Variants in SLC22A2 observed in about 807,000 individuals in gnomAD.
The protein encoded by SLC22A2 is organic cation transporter 2.
Under a neutral mutation model 60.5 loss-of-function variants are expected in SLC22A2, and 46 were observed. The observed-to-expected ratio is 0.76, with a 90% confidence interval of 0.60 to 0.97. SLC22A2 has a LOEUF of 0.97. Ranked by LOEUF, SLC22A2 falls within the 50% of genes least tolerant of loss-of-function variation. The pLI is 0.00. For missense variants in SLC22A2, 701 were observed against 706.6 expected, an observed-to-expected ratio of 0.99 and a Z score of 0.09; for synonymous variants, 303 against 267.0, an observed-to-expected ratio of 1.13 and a Z score of -1.31.
In SLC22A2 at chr6:160,247,303, G is replaced by A. The variant is rs752477758; in HGVS notation, c.843-5C>T. 19 of 1,507,992 alleles carry A rather than the reference G, an allele frequency of 1.3e-5. No homozygotes were observed. In the East Asian group the frequency reaches 3.6e-4, roughly 29 times the overall value. The allele number at this position is 1,507,992 out of a possible 1,614,324, so 93.4% of individuals were successfully genotyped here. A position where few individuals can be genotyped will look rare whatever the true frequency, so the allele number is the denominator to read the frequency against. ...CTGGGAGACTCAGGTATGCACCTAG[G>A]GTACAAGGTGAGCGGAGGGCAACTC... is the stretch of plus-strand genomic sequence containing the variant. On this transcript the variant is annotated splice_region_variant and splice_polypyrimidine_tract_variant and intron_variant, in intron 4 of 10. Transcript: ENST00000366953.
intron 9 of SLC22A2, among the ~76,000 whole-genome samples, chr6:160,229,134 C>A (rs1179593878): frequency 2.0e-5 from 3 of 151,808 alleles, no homozygotes; most frequent in Non-Finnish European, 4.4e-5. Flanking sequence ...TGAGAAAGAT[C>A]CACCTATGAC....
At chr6:160,220,216 T>G (rs1035619626) in intron 10 of SLC22A2, among the ~76,000 whole-genome samples, 1 of 152,168 alleles carries the variant, frequency 6.6e-6, no homozygotes, top group African/African-American at 2.4e-5. Context: ...TTCAACAATG[T>G]TCACAGGATC....
chr6:160,238,333 G>A (rs1583395563), intron 9 of SLC22A2, among the ~76,000 whole-genome samples: 4 of 152,286 alleles, frequency 2.6e-5, no homozygotes, highest in South Asian at 2.1e-4. Flanking sequence ...CTCTCAAAAT[G>A]TCTCCAAGCC....
At chr6:160,225,137 C>A (rs1782702899) in intron 9 of SLC22A2, among the ~76,000 whole-genome samples, 1 of 152,102 alleles carries the variant, frequency 6.6e-6, no homozygotes, top group Non-Finnish European at 1.5e-5. Context: ...AGGACTGTAA[C>A]CCTTCCAGTT....
Position 160,258,778 on chromosome 6 carries a change from CCGAGGCTGCCCGACGTGCCCGGAG to C in SLC22A2, c.-45_-22del, listed in dbSNP as rs778514015. Reference sequence around the variant, plus strand: ...GGCATGATCCTGCAGGCAGGAGGGCCCGAGGCTGCCCGACGTGCCCGGAGCGAGGCTGAGAGCGGCTGCAGCCAG... The same window carrying C: ...GGCATGATCCTGCAGGCAGGAGGGCCCGAGGCTGAGAGCGGCTGCAGCCAG... On this transcript the variant is annotated 5_prime_UTR_variant, in exon 1 of 11. Coordinates refer to ENST00000366953, the MANE Select transcript of SLC22A2 (RefSeq NM_003058.4). 2 of 1,519,484 alleles carry C rather than the reference CCGAGGCTGCCCGACGTGCCCGGAG, an allele frequency of 1.3e-6. No homozygotes were observed. Among genetic ancestry groups the C allele is most frequent in the Non-Finnish European group, 1.8e-6 (2 of 1,133,946 alleles). The allele number at this position is 1,519,484 out of a possible 1,614,324, so 94.1% of individuals were successfully genotyped here.
intron 2 of SLC22A2, 107 bp downstream of exon 2, chr6:160,256,507 G>A: frequency 1.3e-6 from 1 of 741,530 alleles, no homozygotes; most frequent in Non-Finnish European, 2.4e-6. Context: ...AGGAGATTGT[G>A]GTCTGTGTGC....
chr6:160,242,432 T>TA, intron 7 of SLC22A2, 30 bp from the exon 8 acceptor site: 1 of 1,173,012 alleles, frequency 8.5e-7, no homozygotes, highest in Non-Finnish European at 1.3e-6. Flanking sequence ...TACTTATCCG[T>TA]ACACAGATGA....
In SLC22A2 at chr6:160,252,475, A is replaced by C. The variant is rs1465662138; in HGVS notation, c.519-1773T>G. On this transcript the variant is annotated intron_variant, in intron 2 of 10. Transcript: ENST00000366953. Reference sequence around the variant, plus strand: ...AGCAATGCTACTTAAAAGAATAATAAGGCATGGCTAGAATAAATTTGGGGA... The same window carrying C: ...AGCAATGCTACTTAAAAGAATAATACGGCATGGCTAGAATAAATTTGGGGA... Among the ~76,000 whole-genome samples the C allele has an allele frequency of 3.9e-5, 6 of 152,222 alleles. No homozygotes were observed. The East Asian group carries it at 1.2e-3, about 29-fold the overall frequency.
At chr6:160,226,564 C>T (rs527899432) in intron 9 of SLC22A2, among the ~76,000 whole-genome samples, 6 of 152,224 alleles carry the variant, frequency 3.9e-5, no homozygotes, top group Non-Finnish European at 5.9e-5. Flanking sequence ...ACCTCACTTC[C>T]GATTTGTGTA....
At position 160,258,410 on chromosome 6, in the gene SLC22A2, G is replaced by A. The variant is rs1783312203; in HGVS notation, c.348C>T (p.Arg116=). 1.2e-6 allele frequency: 2 copies of A among 1,613,766 alleles called. No homozygotes were observed. The highest frequency in any genetic ancestry group is 1.7e-6 in the Non-Finnish European group (2 of 1,179,940). Residue 116 remains arginine (R), a synonymous_variant, in exon 1 of 11, where the codon CGC becomes CGT. Transcript: ENST00000366953. ...CGTCCCGGCAGGGGCCCAGTGGCAG[G>A]CGGCTCCTGTTGGTGTCCAGGCTGG... The part of the protein sequence containing the change: ...PLASLDTNRS[R]LPLGPCRDGW...
intron 9 of SLC22A2, among the ~76,000 whole-genome samples, chr6:160,240,739 T>C (rs1390497269): frequency 6.6e-6 from 1 of 152,136 alleles, no homozygotes; most frequent in Non-Finnish European, 1.5e-5. Flanking sequence ...TCCCCTAAAT[T>C]GAGTGCTATA....
chr6:160,224,323 T>C (rs1782690185), intron 10 of SLC22A2, among the ~76,000 whole-genome samples: 2 of 152,202 alleles, frequency 1.3e-5, no homozygotes, highest in South Asian at 4.1e-4. Flanking sequence ...GTCGCTTTTA[T>C]GGAATTGTTA....
At chr6:160,249,484 A>T in intron 3 of SLC22A2, 100 bp from the exon 4 acceptor site, 1 of 875,730 alleles carries the variant, frequency 1.1e-6, no homozygotes, top group African/African-American at 1.7e-5. Context: ...AATATAGACA[A>T]ATTCTAGAAT....
chr6:160,224,413 C>T (rs780741064), intron 10 of SLC22A2, among the ~76,000 whole-genome samples: 33 of 151,040 alleles, frequency 2.2e-4, no homozygotes, highest in Non-Finnish European at 2.8e-4. Flanking sequence ...AGTTGTTTAA[C>T]GCAGAATATT....
In SLC22A2 at chr6:160,249,317, A is replaced by G; in HGVS notation, c.741T>C (p.Val247=). ...VGIFYQVAYT[V]GLLVLAGVAY... ...CCACCCCAGCTAGCACCAGGAGCCC[A>G]ACTGTATAGGCAACTTGGTAAAAAA... The change falls in exon 4 of 11, where the codon GTT becomes GTC. Residue 247 remains valine, a synonymous_variant. Coordinates refer to ENST00000366953, the MANE Select transcript of SLC22A2 (RefSeq NM_003058.4). The G allele has an allele frequency of 1.2e-6, 2 of 1,613,748 alleles. No homozygotes were observed. Among genetic ancestry groups the G allele is most frequent in the Non-Finnish European group, 1.7e-6 (2 of 1,179,730 alleles).
intron 9 of SLC22A2, among the ~76,000 whole-genome samples, chr6:160,227,818 T>C (rs915769921): frequency 6.6e-6 from 1 of 152,202 alleles, no homozygotes. Context: ...AAGACCTTGC[T>C]GGTCAAACAG....
intron 10 of SLC22A2, among the ~76,000 whole-genome samples, chr6:160,222,716 T>C (rs1018660377): frequency 5.3e-5 from 8 of 152,222 alleles, no homozygotes; most frequent in Non-Finnish European, 1.2e-4. Context: ...GATCATACAA[T>C]GTACCAAAGA....
intron 7 of SLC22A2, 90 bp downstream of exon 7, chr6:160,243,482 A>G: frequency 1.0e-6 from 1 of 999,514 alleles, no homozygotes; most frequent in South Asian, 1.4e-5. Context: ...GATTTGGATG[A>G]CAAATTACAT....
Position 160,245,423 on chromosome 6 carries a change from G to T in SLC22A2, c.1064+16C>A. 7.1e-7 allele frequency: 1 copy of T among 1,416,786 alleles called. No homozygotes were observed. The highest frequency in any genetic ancestry group is 9.8e-7 in the Non-Finnish European group (1 of 1,017,724). 87.8% of individuals were successfully genotyped at this position (1,416,786 alleles called of 1,614,324 possible). A position where few individuals can be genotyped will look rare whatever the true frequency, so the allele number is the denominator to read the frequency against. On this transcript the variant is annotated intron_variant, in intron 6 of 10. Transcript: ENST00000366953. ...AAACAATTTGGAGGCATTTCAAAGT[G>T]AAAAATATTCCTTACCAGTTGTACA...
Sources: gnomAD v4.1 joint callset for allele counts (sites outside exome capture counted in the v4.1 genomes callset) on GRCh38, gnomAD v4.1.1 for gene constraint, MANE v1.5 for transcripts, NCBI Gene and HGNC (gene_info 2026-07-23, HGNC 2026-07-21) for gene names.